The following OSBPL7 variants were observed in gnomAD, a reference collection of about 807,000 sequenced individuals.
OSBPL7 encodes the protein oxysterol-binding protein-related protein 7.
Under a neutral mutation model 115.8 loss-of-function variants are expected in OSBPL7, and 66 were observed. That is an observed-to-expected ratio of 0.57 (90% CI 0.47 to 0.70). The LOEUF is 0.70. Among genes scored for constraint, OSBPL7 ranks in the 30% least tolerant of loss-of-function variants. OSBPL7 has a pLI of 0.00. For missense variants in OSBPL7, 902 were observed against 1,125.5 expected, an observed-to-expected ratio of 0.80 and a Z score of 2.84; for synonymous variants, 441 against 439.2, an observed-to-expected ratio of 1.00 and a Z score of -0.05.
chr17:47,812,232 G>T (rs567753701), intron 16 of OSBPL7, among the ~76,000 whole-genome samples: 7 of 152,136 alleles, frequency 4.6e-5, no homozygotes, highest in Non-Finnish European at 7.4e-5. Context: ...CCTTCCTCAC[G>T]CAGGAAGCCG....
Position 47,808,528 on chromosome 17 carries a change from G to C in OSBPL7, c.2420+10C>G. 3.1e-6 allele frequency: 5 copies of C among 1,614,194 alleles called. No individual in the cohort carries two copies. Among genetic ancestry groups the C allele is most frequent in the Non-Finnish European group, 4.2e-6 (5 of 1,180,014 alleles). On this transcript the variant is annotated intron_variant, in intron 22 of 22. Coordinates refer to ENST00000007414, the MANE Select transcript of OSBPL7 (RefSeq NM_145798.3). This position sits in a 1 kb window ranked among gnomAD's most constrained non-coding sequence, Gnocchi z 6.1. Reference sequence around the variant, plus strand: ...GGGGAGACCCAGGGCGGAGGGCGAGGCCGAGGCACCTGAAGAAGCGAGCCT... The same window carrying C: ...GGGGAGACCCAGGGCGGAGGGCGAGCCCGAGGCACCTGAAGAAGCGAGCCT...
rs1375927303 is a variant in OSBPL7, at chr17:47,807,531, C to G, written c.*760G>C. 1 of 152,728 alleles carries G rather than the reference C, an allele frequency of 6.5e-6. No individual in the cohort carries two copies. The highest frequency in any genetic ancestry group is 1.9e-4 in the East Asian group (1 of 5,188). 9.5% of individuals were successfully genotyped at this position (152,728 alleles called of 1,614,324 possible). On this transcript the variant is annotated 3_prime_UTR_variant, in exon 23 of 23. Coordinates refer to ENST00000007414, the MANE Select transcript of OSBPL7 (RefSeq NM_145798.3). ...CCTGCAAGCAGGGCACAGGCGCACA[C>G]GCATACACTCTCCTACATGAACTTA...
chr17:47,820,342 A>G lies in OSBPL7; in HGVS notation c.-64T>C. Reference sequence around the variant, plus strand: ...CAGGGAGCAGGGTGGAAGGGGAAGGATGTCACCTGCTCCTGACGGGGTCCT... The same window carrying G: ...CAGGGAGCAGGGTGGAAGGGGAAGGGTGTCACCTGCTCCTGACGGGGTCCT... On this transcript the variant is annotated 5_prime_UTR_variant, in exon 2 of 23. Transcript: ENST00000007414. The G allele has an allele frequency of 6.6e-7, 1 of 1,504,170 alleles. No homozygotes were observed. Among genetic ancestry groups the G allele is most frequent in the East Asian group, 2.3e-5 (1 of 43,652 alleles). The allele number at this position is 1,504,170 out of a possible 1,614,324, so 93.2% of individuals were successfully genotyped here.
At chr17:47,819,920 T>TCCCCCCCCCCCCCCCCAG in intron 3 of OSBPL7, 51 bp downstream of exon 3, 1 of 642,044 alleles carries the variant, frequency 1.6e-6, no homozygotes, top group Non-Finnish European at 2.6e-6. Flanking sequence ...CTGCCCCCCA[T>TCCCCCCCCCCCCCCCCAG]TCCCACCCCG....
In OSBPL7 at chr17:47,818,551, G is replaced by C; in HGVS notation, c.435C>G (p.Arg145=). Residue 145 remains arginine, a synonymous_variant, in exon 6 of 23, where the codon CGC becomes CGG. Coordinates refer to ENST00000007414, the MANE Select transcript of OSBPL7 (RefSeq NM_145798.3). ...GCAGTGAGCCACGGGGCATGTCCAGGCGGTGGGCTAGGCGGTGGGCACGCA... is the reference window on the plus strand; with the variant it reads ...GCAGTGAGCCACGGGGCATGTCCAGCCGGTGGGCTAGGCGGTGGGCACGCA... ...AQLRAHRLAH[R]LDMPRGSLPS... 6.2e-7 allele frequency: 1 copy of C among 1,611,606 alleles called. No individual in the cohort carries two copies. Among genetic ancestry groups the C allele is most frequent in the Non-Finnish European group, 8.5e-7 (1 of 1,178,834 alleles).
At chr17:47,818,638 G>A (rs1289857132) in intron 5 of OSBPL7, 22 bp from the exon 6 acceptor site, 24 of 1,597,672 alleles carry the variant, frequency 1.5e-5, no homozygotes, top group Admixed American at 8.4e-5. Context: ...ATGGAGAGGG[G>A]GAGGGCTATC....
At chr17:47,817,413 G>A in intron 7 of OSBPL7, 54 bp from the exon 8 acceptor site, 1 of 1,332,668 alleles carries the variant, frequency 7.5e-7, no homozygotes, top group East Asian at 2.4e-5. Flanking sequence ...TTTTGAGACG[G>A]AGTTTTGCTC....
chr17:47,809,895 T>C (rs556281536), intron 18 of OSBPL7, among the ~76,000 whole-genome samples: 2 of 136,112 alleles, frequency 1.5e-5, no homozygotes, highest in Admixed American at 7.5e-5. Flanking sequence ...TATTTTCTTT[T>C]CTTTTCTTTT....
rs971399582 is a variant in OSBPL7, at chr17:47,819,345, G to C, written c.256-246C>G. On this transcript the variant is annotated intron_variant, in intron 4 of 22. Coordinates refer to ENST00000007414, the MANE Select transcript of OSBPL7 (RefSeq NM_145798.3). ...AAGAAAAACTATTCCCACCCTCAGG[G>C]GTCTGCAGGGTTGTGGAAGGCAACA... The C allele has an allele frequency of 5.3e-6, 3 of 566,776 alleles. No homozygotes were observed. The African/African-American group carries it at 5.6e-5, about 11-fold the overall frequency. The allele number at this position is 566,776 out of a possible 1,614,324, so 35.1% of individuals were successfully genotyped here.
At position 47,816,824 on chromosome 17, in the gene OSBPL7, T is replaced by G. The variant is rs2033235062; in HGVS notation, c.751A>C (p.Met251Leu). The G allele has an allele frequency of 6.2e-7, 1 of 1,613,966 alleles. No homozygotes were observed. The highest frequency in any genetic ancestry group is 1.3e-5 in the African/African-American group (1 of 74,922). The change falls in exon 9 of 23, where the codon ATG (methionine) becomes CTG (leucine). Residue 251 changes from methionine (M) to leucine (L), a missense_variant. Around this residue, in one of 3 missense-constraint regions of OSBPL7, gnomAD observed 667 missense variants for 788.7 expected, o/e 0.85. Coordinates refer to ENST00000007414, the MANE Select transcript of OSBPL7 (RefSeq NM_145798.3). This position sits in a 1 kb window ranked among gnomAD's most constrained non-coding sequence, Gnocchi z 5.8. ...RPKKGKRTSR[M>L]WCTQSFAKDD... ...TTGGCAAAGCTCTGGGTGCACCACA[T>G]GCGGCTTGTCCGTTTCCCCTTCTTG...
At position 47,809,472 on chromosome 17, in the gene OSBPL7, C is replaced by T. The variant is rs1349492246; in HGVS notation, c.1887G>A (p.Gly629=). ...GTVNVSLPRF[G]DHFEWNKVTS... ...TCACCTTGTTCCACTCAAAGTGGTC[C>T]CCAAACCTGAGAAAGACAAGGTATG... Residue 629 remains glycine (G), a synonymous_variant, in exon 19 of 23, where the codon GGG becomes GGA. Coordinates refer to ENST00000007414, the MANE Select transcript of OSBPL7 (RefSeq NM_145798.3). 1 of 1,610,932 alleles carries T rather than the reference C, an allele frequency of 6.2e-7. No individual in the cohort carries two copies. The highest frequency in any genetic ancestry group is 8.5e-7 in the Non-Finnish European group (1 of 1,177,458).
chr17:47,810,304 G>A (rs1252107538), intron 18 of OSBPL7, among the ~76,000 whole-genome samples: 1 of 152,102 alleles, frequency 6.6e-6, no homozygotes, highest in Admixed American at 6.6e-5. Context: ...AGTCTCAAAG[G>A]CATTTCTGAC....
chr17:47,814,479 A>AACCCCC, intron 14 of OSBPL7, 42 bp downstream of exon 14: 1 of 1,086,690 alleles, frequency 9.2e-7, no homozygotes. Context: ...CTGTTTTTCC[A>AACCCCC]CCCGCCTCCC....
Position 47,809,387 on chromosome 17 carries a change from G to A in OSBPL7, c.1972C>T (p.Leu658Phe). 1.9e-6 allele frequency: 3 copies of A among 1,614,172 alleles called. No homozygotes were observed. Among genetic ancestry groups the A allele is most frequent in the South Asian group, 2.2e-5 (2 of 91,092 alleles). The change falls in exon 19 of 23, where the codon CTC becomes TTC. Residue 658 changes from leucine to phenylalanine, a missense_variant. Physicochemically the swap from Leu to Phe is conservative, Grantham distance 22 (BLOSUM62 0). Transcript: ENST00000007414. The part of the protein sequence containing the change: ...QRWIEHYGEV[L>F]IRNTQDSSCH... The stretch of plus-strand genomic sequence containing the variant: ...GAGCTGTCCTGTGTGTTTCGGATGA[G>A]CACCTCCCCATAGTGCTCGATCCAG...
chr17:47,814,840 A>T, intron 13 of OSBPL7: 1 of 584,004 alleles, frequency 1.7e-6, no homozygotes, highest in Non-Finnish European at 3.0e-6. Context: ...GCTGGCGGGA[A>T]AAAGCTCAGG....
At chr17:47,815,076 C>T (rs2033169312) in intron 13 of OSBPL7, 139 bp downstream of exon 13, 3 of 1,180,156 alleles carry the variant, frequency 2.5e-6, no homozygotes, top group African/African-American at 3.1e-5. Context: ...ACAAACTCAG[C>T]TGATCTGGAC....
Position 47,816,943 on chromosome 17 carries a change from G to T in OSBPL7, c.703-71C>A, listed in dbSNP as rs2033240015. The T allele has an allele frequency of 3.4e-6, 5 of 1,472,214 alleles. No homozygotes were observed. Among genetic ancestry groups the T allele is most frequent in the Non-Finnish European group, 3.8e-6 (4 of 1,052,474 alleles). The allele number at this position is 1,472,214 out of a possible 1,614,324, so 91.2% of individuals were successfully genotyped here. A position where few individuals can be genotyped will look rare whatever the true frequency, so the allele number is the denominator to read the frequency against. On this transcript the variant is annotated intron_variant, in intron 8 of 22. Transcript: ENST00000007414. This position sits in a 1 kb window ranked among gnomAD's most constrained non-coding sequence, Gnocchi z 5.8. Reference sequence around the variant, plus strand: ...AGGGGCAGAAACCATCACAGCCTGGGAGAGGTAGACGGCCTCCTGCGCCAT... The same window carrying T: ...AGGGGCAGAAACCATCACAGCCTGGTAGAGGTAGACGGCCTCCTGCGCCAT...
At position 47,813,832 on chromosome 17, in the gene OSBPL7, C is replaced by T. The variant is rs1401437832; in HGVS notation, c.1354G>A (p.Gly452Arg). 1.2e-6 allele frequency: 2 copies of T among 1,605,978 alleles called. No homozygotes were observed. Among genetic ancestry groups the T allele is most frequent in the Admixed American group, 1.7e-5 (1 of 59,530 alleles). The change falls in exon 15 of 23, where the codon GGG (glycine) becomes AGG (arginine). Residue 452 changes from glycine to arginine, a missense_variant and splice_region_variant. Coordinates refer to ENST00000007414, the MANE Select transcript of OSBPL7 (RefSeq NM_145798.3). ...LRGAERCQKG[G>R]CVPGRPMGPP... ...CCCATGGGTCTCCCTGGAACACACC[C>T]CCCTGGGGCCGCCCTGCCATGTCAC...
chr17:47,817,409 G>T, intron 7 of OSBPL7, 50 bp from the exon 8 acceptor site: 1 of 1,386,334 alleles, frequency 7.2e-7, no homozygotes, highest in South Asian at 1.3e-5. Flanking sequence ...TTTTTTTTGA[G>T]ACGGAGTTTT....
Sources: gnomAD v4.1 joint callset for allele counts (sites outside exome capture counted in the v4.1 genomes callset) on GRCh38, gnomAD v4.1.1 for gene constraint, gnomAD v4.1.1 regional missense constraint, Gnocchi (gnomAD v3.1) non-coding constraint, MANE v1.5 for transcripts, NCBI Gene and HGNC (gene_info 2026-07-23, HGNC 2026-07-21) for gene names.